The following CNNM1 variants were observed in gnomAD, a reference collection of about 807,000 sequenced individuals.
The protein encoded by CNNM1 is cyclin and CBS domain divalent metal cation transport mediator 1, also known as metal transporter CNNM1.
In CNNM1, 44 loss-of-function variants were observed where a neutral mutation model predicts 78.8. That is an observed-to-expected ratio of 0.56 (90% CI 0.44 to 0.72). The LOEUF (loss-of-function observed/expected upper bound fraction) is 0.72. Among genes scored for constraint, CNNM1 ranks in the 30% least tolerant of loss-of-function variants. The pLI is 0.00. For synonymous variants in CNNM1, 584 were observed against 581.5 expected, an observed-to-expected ratio of 1.00 and a Z score of -0.06; for missense variants, 1,101 against 1,292.2, an observed-to-expected ratio of 0.85 and a Z score of 2.27.
At chr10:99,391,160 G>A (rs942036291) in intron 10 of CNNM1, among the ~76,000 whole-genome samples, 1 of 152,220 alleles carries the variant, frequency 6.6e-6, no homozygotes, top group Admixed American at 6.5e-5. Flanking sequence ...TGTTACATGG[G>A]CTTTACTCAG....
chr10:99,388,121 A>G, intron 8 of CNNM1, 31 bp from the exon 9 acceptor site: 1 of 1,612,796 alleles, frequency 6.2e-7, no homozygotes, highest in Non-Finnish European at 8.5e-7. Flanking sequence ...TCTCCAAAGC[A>G]GAGAGGTGAT....
intron 7 of CNNM1, among the ~76,000 whole-genome samples, chr10:99,384,164 G>C (rs1190640031): frequency 6.6e-6 from 1 of 152,164 alleles, no homozygotes; most frequent in Non-Finnish European, 1.5e-5. Context: ...TATTACGCTA[G>C]ATTAAAATAA....
chr10:99,389,297 A>G (rs377766963), intron 9 of CNNM1, among the ~76,000 whole-genome samples: 1 of 151,888 alleles, frequency 6.6e-6, no homozygotes, highest in East Asian at 1.9e-4. Context: ...GGTGCCTGTA[A>G]TCCCAGCTAC....
chr10:99,375,269 C>A (rs2031926945), intron 6 of CNNM1, among the ~76,000 whole-genome samples: 1 of 152,194 alleles, frequency 6.6e-6, no homozygotes, highest in Non-Finnish European at 1.5e-5. Context: ...GTGATTCTGG[C>A]AGCTGAGGTG....
chr10:99,362,665 G>A (rs181823012), intron 4 of CNNM1, among the ~76,000 whole-genome samples: 1 of 152,312 alleles, frequency 6.6e-6, no homozygotes, highest in East Asian at 1.9e-4. Context: ...GAGGGGTTCT[G>A]CATCTAAACT....
chr10:99,355,467 C>T lies in CNNM1; in HGVS notation c.1574-2045C>T, dbSNP rs552505519. Among the ~76,000 whole-genome samples the T allele has an allele frequency of 1.1e-4, 16 of 152,228 alleles. No individual in the cohort carries two copies. The South Asian group carries it at 3.3e-3, about 32-fold the overall frequency. ...AGGGTACTAATAAAGCATGAACTTG[C>T]TTTTTATTGTTTTCCATAATAACAT... On this transcript the variant is annotated intron_variant, in intron 1 of 10. Transcript: ENST00000356713.
chr10:99,331,665 A>C (rs902821408), intron 1 of CNNM1, among the ~76,000 whole-genome samples: 4 of 152,172 alleles, frequency 2.6e-5, no homozygotes, highest in African/African-American at 7.2e-5. Flanking sequence ...CCAGGAGTTC[A>C]AAGCTGCAAT....
intron 1 of CNNM1, among the ~76,000 whole-genome samples, chr10:99,353,627 A>G (rs1001362893): frequency 6.6e-6 from 1 of 152,090 alleles, no homozygotes; most frequent in Non-Finnish European, 1.5e-5. Context: ...TGTGTGTGGT[A>G]TGTGTGACAT....
intron 1 of CNNM1, among the ~76,000 whole-genome samples, chr10:99,339,885 T>C (rs953269235): frequency 1.3e-5 from 2 of 152,276 alleles, no homozygotes; most frequent in African/African-American, 4.8e-5. Context: ...TGCTTAATTC[T>C]ATACCTGCCA....
intron 6 of CNNM1, among the ~76,000 whole-genome samples, chr10:99,366,209 G>C (rs1353741762): frequency 6.6e-6 from 1 of 152,154 alleles, no homozygotes; most frequent in African/African-American, 2.4e-5. Flanking sequence ...TTAAGACAAT[G>C]AATCTCAATC....
Position 99,377,225 on chromosome 10 carries a change from C to T in CNNM1, c.2340+7C>T, listed in dbSNP as rs369150242. On this transcript the variant is annotated splice_region_variant and intron_variant, in intron 7 of 10. Transcript: ENST00000356713. ...CGATGTGCAGTTTGTGAAGGTAACT[C>T]CCCCAGGAAGGTTATCCTCTCCCTC... 9 of 1,612,596 alleles carry T rather than the reference C, an allele frequency of 5.6e-6. No homozygotes were observed. Among genetic ancestry groups the T allele is most frequent in the Non-Finnish European group, 4.2e-6 (5 of 1,179,144 alleles).
chr10:99,331,670 T>C (rs1037535322), intron 1 of CNNM1, among the ~76,000 whole-genome samples: 1 of 152,042 alleles, frequency 6.6e-6, no homozygotes, highest in Admixed American at 6.5e-5. Context: ...AGTTCAAAGC[T>C]GCAATGAGCT....
chr10:99,341,771 G>A (rs1046714903), intron 1 of CNNM1, among the ~76,000 whole-genome samples: 1 of 152,184 alleles, frequency 6.6e-6, no homozygotes, highest in African/African-American at 2.4e-5. Flanking sequence ...GAGCTAGGCA[G>A]CCGAAGATAT....
intron 1 of CNNM1, 116 bp downstream of exon 1, chr10:99,331,076 C>A: frequency 1.9e-6 from 2 of 1,037,594 alleles, no homozygotes; most frequent in Admixed American, 2.5e-5. Flanking sequence ...GTACTAAAAA[C>A]CCAAGGAAGA....
At chr10:99,374,847 A>G (rs1200880008) in intron 6 of CNNM1, among the ~76,000 whole-genome samples, 2 of 152,226 alleles carry the variant, frequency 1.3e-5, no homozygotes, top group Admixed American at 1.3e-4. Flanking sequence ...TGGAATTAAA[A>G]GTTGAATTAA....
At chr10:99,390,199 C>T (rs1410720686) in intron 9 of CNNM1, 107 bp from the exon 10 acceptor site, 15 of 778,668 alleles carry the variant, frequency 1.9e-5, no homozygotes, top group African/African-American at 8.6e-5. Flanking sequence ...CCTTGGCTCA[C>T]GTCTTAAACT....
At chr10:99,331,130 T>C (rs1415780164) in intron 1 of CNNM1, among the ~76,000 whole-genome samples, 170 bp downstream of exon 1, 2 of 152,238 alleles carry the variant, frequency 1.3e-5, no homozygotes, top group African/African-American at 4.8e-5. Flanking sequence ...CACTTCTGCC[T>C]CACTTCTTGC....
chr10:99,391,395 C>T, intron 10 of CNNM1, 42 bp from the exon 11 acceptor site: 1 of 1,453,278 alleles, frequency 6.9e-7, no homozygotes, highest in Non-Finnish European at 9.6e-7. Context: ...ATGAATGTTC[C>T]TCCAGTGTTA....
chr10:99,359,186 G>T (rs377100250), intron 2 of CNNM1, among the ~76,000 whole-genome samples: 1 of 151,558 alleles, frequency 6.6e-6, no homozygotes, highest in Admixed American at 6.6e-5. Flanking sequence ...AAGGAGAAGG[G>T]GGCGATGAGA....
Sources: gnomAD v4.1 joint callset for allele counts (sites outside exome capture counted in the v4.1 genomes callset) on GRCh38, gnomAD v4.1.1 for gene constraint, MANE v1.5 for transcripts, NCBI Gene and HGNC (gene_info 2026-07-23, HGNC 2026-07-21) for gene names.